Variants in PLXNA4 observed in about 807,000 individuals in gnomAD.
PLXNA4 encodes the protein plexin A4.
A neutral mutation model predicts 191.8 loss-of-function variants in PLXNA4; 44 were observed. The ratio of observed to expected loss-of-function variants is 0.23; its 90% CI spans 0.18 to 0.29. The LOEUF is 0.29. Among genes scored for constraint, PLXNA4 ranks in the 10% least tolerant of loss-of-function variants. The pLI, the probability that PLXNA4 is intolerant of heterozygous loss-of-function variation, is 1.00. For synonymous variants in PLXNA4, 1,082 were observed against 1,009.5 expected (o/e 1.07, Z -1.36); for missense variants, 1,800 against 2,488.8 (o/e 0.72, Z 5.89).
chr7:132,308,390 G>T (rs1382667153), intron 3 of PLXNA4, among the ~76,000 whole-genome samples: 1 of 152,150 alleles, frequency 6.6e-6, no homozygotes, highest in Non-Finnish European at 1.5e-5. Context: ...TGGTTAGAAA[G>T]GAGCCTGGGC....
intron 21 of PLXNA4, among the ~76,000 whole-genome samples, chr7:132,174,112 A>T (rs184952233): frequency 6.6e-6 from 1 of 152,202 alleles, no homozygotes; most frequent in Non-Finnish European, 1.5e-5. Flanking sequence ...CCTCAGGATT[A>T]TTATTCTGTC....
chr7:132,476,874 T>G (rs1027217082), intron 3 of PLXNA4, among the ~76,000 whole-genome samples: 1 of 152,150 alleles, frequency 6.6e-6, no homozygotes, highest in Non-Finnish European at 1.5e-5. Flanking sequence ...AAAACTAATT[T>G]TGGGGAGATA....
intron 2 of PLXNA4, among the ~76,000 whole-genome samples, chr7:132,628,553 T>TC (rs2116875687): frequency 6.6e-6 from 1 of 151,832 alleles, no homozygotes; most frequent in African/African-American, 2.4e-5. Context: ...TCTAAAAATG[T>TC]CCTCTCTCTC....
chr7:132,342,946 CAA>C (rs370055779), intron 3 of PLXNA4, among the ~76,000 whole-genome samples: 18 of 102,396 alleles, frequency 1.8e-4, no homozygotes, highest in Non-Finnish European at 1.6e-4. Flanking sequence ...GACTCTGCCT[CAA>C]AAAAAAAAAA....
chr7:132,323,204 A>G (rs1336470075), intron 3 of PLXNA4, among the ~76,000 whole-genome samples: 1 of 152,184 alleles, frequency 6.6e-6, no homozygotes, highest in Non-Finnish European at 1.5e-5. Context: ...AATCACCTGT[A>G]CATGTGCATT....
intron 1 of PLXNA4, among the ~76,000 whole-genome samples, chr7:132,563,679 TCTCCTC>T (rs769335109): frequency 4.6e-5 from 1 of 21,686 alleles, no homozygotes; most frequent in Non-Finnish European, 8.9e-5. Context: ...TCCTCCTCTT[TCTCCTC>T]CTCCTCCTCC....
intron 9 of PLXNA4, among the ~76,000 whole-genome samples, chr7:132,220,023 A>G (rs958426917): frequency 1.3e-5 from 2 of 152,234 alleles, no homozygotes; most frequent in African/African-American, 4.8e-5. Flanking sequence ...CATTTCTCAG[A>G]GGGCATCCCC....
chr7:132,152,766 T>C (rs183484212), intron 25 of PLXNA4, among the ~76,000 whole-genome samples: 204 of 152,274 alleles, frequency 1.3e-3, no homozygotes, highest in African/African-American at 4.5e-3. Context: ...TCAAATGCTA[T>C]GAGATGCTGA....
chr7:132,162,220 C>A (rs1318532711), intron 24 of PLXNA4, among the ~76,000 whole-genome samples: 1 of 152,236 alleles, frequency 6.6e-6, no homozygotes, highest in East Asian at 1.9e-4. Context: ...GGGCTGCTCC[C>A]CTGCACATGT....
intron 15 of PLXNA4, among the ~76,000 whole-genome samples, chr7:132,187,112 A>T (rs537681402): frequency 1.3e-5 from 2 of 151,940 alleles, no homozygotes; most frequent in East Asian, 3.9e-4. Context: ...AGCAAGAAAA[A>T]CCTATTTCAA....
At chr7:132,419,026 T>C (rs1292169953) in intron 3 of PLXNA4, among the ~76,000 whole-genome samples, 4 of 152,224 alleles carry the variant, frequency 2.6e-5, no homozygotes. Context: ...CACCGTCTCC[T>C]TGTCACTGAG....
At chr7:132,352,888 A>T (rs73434895) in intron 3 of PLXNA4, among the ~76,000 whole-genome samples, 2,551 of 152,292 alleles carry the variant, frequency 0.017, 79 homozygotes, top group African/African-American at 0.058. Context: ...AGACCTCACC[A>T]GTCAAGTACG....
chr7:132,179,961 C>G, intron 19 of PLXNA4, 40 bp from the exon 20 acceptor site: 1 of 1,562,418 alleles, frequency 6.4e-7, no homozygotes, highest in Non-Finnish European at 8.7e-7. Flanking sequence ...GGTGTGGGGA[C>G]GCAGCAGCTT....
rs76918975 is a variant in PLXNA4 at position 132,446,426 on chromosome 7, G to C, written c.1371+42866C>G. On this transcript the variant is annotated intron_variant, in intron 3 of 31. Coordinates refer to ENST00000321063, the MANE Select transcript of PLXNA4 (RefSeq NM_020911.2). ...TCACTGCTAAAAGAGGAATTGAAAG[G>C]GGAATTTGAAAAGGGTGGAACTCAT... is the stretch of plus-strand genomic sequence containing the variant. Among the ~76,000 whole-genome samples, 578 of 152,190 alleles carry C rather than the reference G, an allele frequency of 3.8e-3. 9 individuals are homozygous for C. Among genetic ancestry groups the C allele is most frequent in the African/African-American group, 0.013 (558 of 41,512 alleles).
intron 4 of PLXNA4, 92 bp from the exon 5 acceptor site, chr7:132,241,258 T>C (rs927324982): frequency 9.0e-5 from 75 of 828,972 alleles, no homozygotes; most frequent in Non-Finnish European, 1.3e-4. Flanking sequence ...ATCAAGTGTA[T>C]CACCTGAAAT....
intron 3 of PLXNA4, among the ~76,000 whole-genome samples, chr7:132,429,904 A>G (rs1260492492): frequency 1.3e-5 from 2 of 152,070 alleles, no homozygotes; most frequent in African/African-American, 4.8e-5. Flanking sequence ...TACTCAAGAC[A>G]CCTCTGACGT....
chr7:132,355,811 G>A (rs890100176), intron 3 of PLXNA4, among the ~76,000 whole-genome samples: 1 of 152,148 alleles, frequency 6.6e-6, no homozygotes, highest in Non-Finnish European at 1.5e-5. Flanking sequence ...GAGATCATAT[G>A]ATGCCAACAG....
rs533050916 is a variant in PLXNA4 at position 132,333,538 on chromosome 7, A to C, written c.1372-35316T>G. 8.1e-4 allele frequency among the ~76,000 whole-genome samples: 123 copies of C among 152,242 alleles called. 2 individuals are homozygous for C. In the South Asian group the frequency reaches 0.025, roughly 31 times the overall value. The stretch of plus-strand genomic sequence containing the variant: ...GACTCCTGCTGCTGCTGACAGCCCC[A>C]CTGGGAGCTGCAATGGTGCTCTTAA... On this transcript the variant is annotated intron_variant, in intron 3 of 31. Coordinates refer to ENST00000321063, the MANE Select transcript of PLXNA4 (RefSeq NM_020911.2).
chr7:132,348,895 T>A (rs559688535), intron 3 of PLXNA4, among the ~76,000 whole-genome samples: 28 of 151,968 alleles, frequency 1.8e-4, no homozygotes, highest in South Asian at 6.2e-4. Flanking sequence ...GTGGAAAAAA[T>A]TTTTTTTGAG....
Sources: allele counts gnomAD v4.1 joint callset (sites outside exome capture counted in the v4.1 genomes callset), GRCh38; gene constraint gnomAD v4.1.1; transcripts MANE v1.5; gene names NCBI Gene and HGNC (gene_info 2026-07-23, HGNC 2026-07-21).